FBN2: variants seen among roughly 807,000 people sequenced by gnomAD.
FBN2 encodes fibrillin-2.
FBN2 carries 105 observed loss-of-function variants against 355.6 expected under a neutral mutation model. The ratio of observed to expected loss-of-function variants is 0.30; its 90% CI spans 0.25 to 0.35. The LOEUF (loss-of-function observed/expected upper bound fraction) is 0.35, where lower values mean the gene tolerates loss of function less well. Ranked by LOEUF, FBN2 falls within the 10% of genes least tolerant of loss-of-function variation. The pLI, the probability that FBN2 is intolerant of heterozygous loss-of-function variation, is 1.00. For missense variants in FBN2, 3,280 were observed against 3,758.7 expected, an observed-to-expected ratio of 0.87 and a Z score of 3.33; for synonymous variants, 1,350 against 1,301.2, an observed-to-expected ratio of 1.04 and a Z score of -0.81.
At chr5:128,434,881 T>C (rs965697741) in intron 7 of FBN2, among the ~76,000 whole-genome samples, 1 of 152,156 alleles carries the variant, frequency 6.6e-6, no homozygotes, top group Non-Finnish European at 1.5e-5. Flanking sequence ...CAGGGTAGAA[T>C]AGGTTTTCCT....
chr5:128,420,729 C>G (rs542960201), intron 7 of FBN2, among the ~76,000 whole-genome samples: 1 of 152,192 alleles, frequency 6.6e-6, no homozygotes, highest in South Asian at 2.1e-4. Context: ...CTTTAAAACT[C>G]TCAACTTCTC....
intron 7 of FBN2, among the ~76,000 whole-genome samples, chr5:128,420,906 A>C (rs1753329036): frequency 6.6e-6 from 1 of 152,244 alleles, no homozygotes; most frequent in Non-Finnish European, 1.5e-5. Flanking sequence ...ACAACATGTT[A>C]CCTCAATTCA....
chr5:128,336,096 G>T lies in FBN2; in HGVS notation c.3616C>A (p.Leu1206Met). 6.2e-7 allele frequency: 1 copy of T among 1,613,326 alleles called. No homozygotes were observed. The highest frequency in any genetic ancestry group is 2.2e-5 in the East Asian group (1 of 44,880). ...EDCVDINECS[L>M]SDNLCRNGKC... ...CCATTTCTGCAGAGATTGTCACTCA[G>T]GGAGCATTCATTAATATCTATAAAA... Residue 1206 changes from leucine to methionine, a missense_variant, in exon 28 of 65, where the codon CTG (leucine) becomes ATG (methionine). Coordinates refer to ENST00000262464, the MANE Select transcript of FBN2 (RefSeq NM_001999.4).
intron 22 of FBN2, among the ~76,000 whole-genome samples, 167 bp from the exon 23 acceptor site, chr5:128,349,639 C>T (rs1751290205): frequency 6.6e-6 from 1 of 152,178 alleles, no homozygotes; most frequent in Admixed American, 6.5e-5. Context: ...TTCCTAGGTA[C>T]CAGCTGTGAA....
rs144887443 is a variant in FBN2, at chr5:128,289,180, C to T, written c.6584G>A (p.Arg2195His). ...GQCINTDGSF[R>H]CECPMGYNLD... Reference sequence around the variant, plus strand: ...GTTGTAGCCCATTGGACATTCACAGCGAAAAGATCCGTCGGTGTTGATACA... The same window carrying T: ...GTTGTAGCCCATTGGACATTCACAGTGAAAAGATCCGTCGGTGTTGATACA... The change falls in exon 52 of 65, where the codon CGC (arginine) becomes CAC (histidine). Residue 2195 changes from arginine (R) to histidine (H), a missense_variant. Transcript: ENST00000262464. The T allele has an allele frequency of 3.2e-5, 52 of 1,613,884 alleles. No individual in the cohort carries two copies. Among genetic ancestry groups the T allele is most frequent in the South Asian group, 6.6e-5 (6 of 91,080 alleles).
At chr5:128,404,077 A>G (rs1018532793) in intron 8 of FBN2, among the ~76,000 whole-genome samples, 6 of 152,338 alleles carry the variant, frequency 3.9e-5, no homozygotes, top group South Asian at 2.1e-4. Flanking sequence ...GCAGTTTAGT[A>G]TTAAAAAGAG....
chr5:128,341,137 A>G (rs1751009508), intron 25 of FBN2, among the ~76,000 whole-genome samples: 1 of 152,162 alleles, frequency 6.6e-6, no homozygotes, highest in African/African-American at 2.4e-5. Flanking sequence ...ACAATTTTCC[A>G]CAGAACTTCA....
intron 56 of FBN2, among the ~76,000 whole-genome samples, chr5:128,279,651 TTACTACAGCAC>T (rs1765484642): frequency 1.3e-5 from 2 of 152,166 alleles, no homozygotes. Context: ...ACCTTGAATT[TTACTACAGCAC>T]ACTTTTTGCA....
At chr5:128,479,953 T>TCC (rs1755111089) in intron 5 of FBN2, among the ~76,000 whole-genome samples, 2 of 34,056 alleles carry the variant, frequency 5.9e-5, no homozygotes, top group Admixed American at 9.4e-4. Flanking sequence ...TCTCTCTCTC[T>TCC]CTCTCTCTCT....
At chr5:128,348,962 T>TC (rs905242562) in intron 23 of FBN2, among the ~76,000 whole-genome samples, 5 of 152,248 alleles carry the variant, frequency 3.3e-5, no homozygotes, top group Middle Eastern at 3.4e-3. Context: ...CTCTTGACTT[T>TC]CCCCACTGTC....
intron 34 of FBN2, chr5:128,328,404 T>C (rs1750610100): frequency 1.7e-6 from 1 of 598,344 alleles, no homozygotes; most frequent in Admixed American, 3.0e-5. Context: ...TCTCCACATG[T>C]CATTCATTTA....
intron 7 of FBN2, among the ~76,000 whole-genome samples, chr5:128,416,822 A>G (rs945141744): frequency 6.6e-6 from 1 of 152,116 alleles, no homozygotes; most frequent in African/African-American, 2.4e-5. Flanking sequence ...TTTTGAAGTC[A>G]GGTTAGTGTG....
chr5:128,333,146 G>A (rs1011835126), intron 31 of FBN2, 112 bp from the exon 32 acceptor site: 2 of 923,268 alleles, frequency 2.2e-6, no homozygotes, highest in Non-Finnish European at 3.5e-6. Flanking sequence ...ACCGTATGGA[G>A]AAAAGAGTAG....
At position 128,259,351 on chromosome 5, in the gene FBN2, G is replaced by C; in HGVS notation, c.*104C>G. 4 of 1,358,730 alleles carry C rather than the reference G, an allele frequency of 2.9e-6. No individual in the cohort carries two copies. Among genetic ancestry groups the C allele is most frequent in the Non-Finnish European group, 4.2e-6 (4 of 950,550 alleles). 84.2% of individuals were successfully genotyped at this position (1,358,730 alleles called of 1,614,324 possible). ...TCTAAGACAGGGAGGAAAGAAACAA[G>C]AGTTATTATTATTTTTCCTCTTTAA... On this transcript the variant is annotated 3_prime_UTR_variant, in exon 65 of 65. Coordinates refer to ENST00000262464, the MANE Select transcript of FBN2 (RefSeq NM_001999.4).
intron 7 of FBN2, among the ~76,000 whole-genome samples, chr5:128,411,196 C>A (rs147854168): frequency 2.1e-3 from 313 of 152,256 alleles, no homozygotes; most frequent in Non-Finnish European, 3.7e-3. Flanking sequence ...CCTGTACCAG[C>A]CCACGGCAGT....
At position 128,470,275 on chromosome 5, in the gene FBN2, G is replaced by A. The variant is rs549655915; in HGVS notation, c.629-5354C>T. Among the ~76,000 whole-genome samples the A allele has an allele frequency of 6.6e-5, 10 of 152,302 alleles. No individual in the cohort carries two copies. The South Asian group carries it at 1.9e-3, about 28-fold the overall frequency. On this transcript the variant is annotated intron_variant, in intron 5 of 64. Transcript: ENST00000262464. ...GGAGGCTGGTTCCATGCATCTGCAG[G>A]TGATTGGTGATCTTAGCAAGAGATC... is the stretch of plus-strand genomic sequence containing the variant.
chr5:128,505,808 T>C (rs1454286013), intron 5 of FBN2, among the ~76,000 whole-genome samples: 1 of 152,244 alleles, frequency 6.6e-6, no homozygotes, highest in African/African-American at 2.4e-5. Flanking sequence ...TTCATTACTT[T>C]TTTAACAAAC....
At chr5:128,459,511 A>C (rs1011820911) in intron 6 of FBN2, among the ~76,000 whole-genome samples, 4 of 151,994 alleles carry the variant, frequency 2.6e-5, no homozygotes, top group Admixed American at 1.3e-4. Flanking sequence ...ACAACAACAA[A>C]AAACTTGCTA....
intron 31 of FBN2, among the ~76,000 whole-genome samples, chr5:128,333,880 T>G (rs1429366636): frequency 8.4e-6 from 1 of 119,436 alleles, no homozygotes; most frequent in Non-Finnish European, 2.0e-5. Flanking sequence ...CACACACTAC[T>G]GGCTTCACAT....
Sources: gnomAD v4.1 joint callset for allele counts (sites outside exome capture counted in the v4.1 genomes callset) on GRCh38, gnomAD v4.1.1 for gene constraint, MANE v1.5 for transcripts, NCBI Gene and HGNC (gene_info 2026-07-23, HGNC 2026-07-21) for gene names.